The following LSAMP variants were observed in gnomAD, a reference collection of about 807,000 sequenced individuals.
The protein encoded by LSAMP is limbic system associated membrane protein, also known as limbic system-associated membrane protein.
In LSAMP, 7 loss-of-function variants were observed where a neutral mutation model predicts 38.6. The observed-to-expected ratio is 0.18, with a 90% CI of 0.10 to 0.34. The LOEUF (loss-of-function observed/expected upper bound fraction) is 0.34, where lower values mean the gene tolerates loss of function less well. Ranked by LOEUF, LSAMP falls within the 10% of genes least tolerant of loss-of-function variation. LSAMP has a pLI of 1.00. For synonymous variants in LSAMP, 154 were observed against 166.8 expected, an observed-to-expected ratio of 0.92 and a Z score of 0.59; for missense variants, 313 against 420.0, an observed-to-expected ratio of 0.75 and a Z score of 2.23.
At chr3:116,234,585 C>T (rs754171943) in intron 1 of LSAMP, among the ~76,000 whole-genome samples, 7 of 151,886 alleles carry the variant, frequency 4.6e-5, no homozygotes, top group Non-Finnish European at 5.9e-5. Context: ...CAAAGCTGAC[C>T]ACATTAGTAC....
Position 116,255,898 on chromosome 3 carries a change from T to C in LSAMP, c.156-169342A>G, listed in dbSNP as rs138609789. The stretch of plus-strand genomic sequence containing the variant: ...GTAGGAGATACTGCTGAGAGGTTTG[T>C]TTATTTATTTATTTTTTTTGGTGAC... On this transcript the variant is annotated intron_variant, in intron 1 of 6. Transcript: ENST00000490035. Among the ~76,000 whole-genome samples the C allele has an allele frequency of 3.9e-4, 59 of 152,236 alleles. 1 individual carries two copies. In the East Asian group the frequency reaches 0.011, roughly 28 times the overall value.
At chr3:115,820,716 A>G (rs13079530) in intron 6 of LSAMP, among the ~76,000 whole-genome samples, 27,095 of 152,218 alleles carry the variant, frequency 0.18, 2,805 homozygotes, top group Admixed American at 0.24. Flanking sequence ...TCCAGTAGAT[A>G]TGCTGAAGAA....
chr3:116,370,910 C>G (rs1236270117), intron 1 of LSAMP, among the ~76,000 whole-genome samples: 1 of 152,034 alleles, frequency 6.6e-6, no homozygotes, highest in Non-Finnish European at 1.5e-5. Flanking sequence ...GCTACTGATT[C>G]AACATAAATA....
chr3:116,049,419 GTAAT>G (rs1442899231), intron 2 of LSAMP, among the ~76,000 whole-genome samples: 1 of 152,164 alleles, frequency 6.6e-6, no homozygotes, highest in Non-Finnish European at 1.5e-5. Context: ...AAAAATTCCA[GTAAT>G]TAATTGCAAG....
At chr3:115,883,372 A>G (rs1936371032) in intron 3 of LSAMP, among the ~76,000 whole-genome samples, 1 of 152,072 alleles carries the variant, frequency 6.6e-6, no homozygotes, top group African/African-American at 2.4e-5. Flanking sequence ...GATCAATAAT[A>G]AGGAACACAG....
At chr3:115,944,382 T>C (rs1169652350) in intron 3 of LSAMP, among the ~76,000 whole-genome samples, 1 of 152,150 alleles carries the variant, frequency 6.6e-6, no homozygotes, top group Non-Finnish European at 1.5e-5. Context: ...ATTGAACCTT[T>C]GGGTGACTGT....
At chr3:116,015,943 T>C (rs1940468854) in intron 3 of LSAMP, among the ~76,000 whole-genome samples, 1 of 152,122 alleles carries the variant, frequency 6.6e-6, no homozygotes, top group South Asian at 2.1e-4. Flanking sequence ...TAATTACAGG[T>C]ATATTTCCTT....
At chr3:115,816,796 G>A in intron 6 of LSAMP, 1 of 385,924 alleles carries the variant, frequency 2.6e-6, no homozygotes, top group Non-Finnish European at 4.8e-6. Context: ...TATTGGTAGA[G>A]ATGGAAAGAA....
rs76769890 is a variant in LSAMP, at chr3:115,900,698, T to C, written c.515-48081A>G. ...AAAAGGAGAGAAGTTGGCTGCTCCATTTATTTTGTTTCCTGTCTCTTGTCT... is the reference window on the plus strand; with the variant it reads ...AAAAGGAGAGAAGTTGGCTGCTCCACTTATTTTGTTTCCTGTCTCTTGTCT... On this transcript the variant is annotated intron_variant, in intron 3 of 6. Transcript: ENST00000490035. 8.8e-3 allele frequency among the ~76,000 whole-genome samples: 1,336 copies of C among 152,158 alleles called. 19 individuals are homozygous for C. Among genetic ancestry groups the C allele is most frequent in the African/African-American group, 0.03 (1,228 of 41,522 alleles).
chr3:115,851,897 C>T (rs1201370944), intron 4 of LSAMP, among the ~76,000 whole-genome samples: 2 of 152,118 alleles, frequency 1.3e-5, no homozygotes, highest in Non-Finnish European at 2.9e-5. Context: ...CAAAGTATGC[C>T]CACTTACCTA....
At chr3:116,408,804 G>A (rs2048932890) in intron 1 of LSAMP, among the ~76,000 whole-genome samples, 3 of 151,936 alleles carry the variant, frequency 2.0e-5, no homozygotes, top group Non-Finnish European at 4.4e-5. Flanking sequence ...AAATGAGTTG[G>A]CTTACTGATT....
intron 6 of LSAMP, among the ~76,000 whole-genome samples, chr3:115,820,624 C>T (rs1934200024): frequency 2.0e-5 from 3 of 152,236 alleles, no homozygotes; most frequent in African/African-American, 4.8e-5. Flanking sequence ...TTGATTCAAC[C>T]TCTCTTATTG....
intron 3 of LSAMP, among the ~76,000 whole-genome samples, chr3:116,010,892 C>T (rs1940304345): frequency 6.6e-6 from 1 of 152,178 alleles, no homozygotes; most frequent in African/African-American, 2.4e-5. Flanking sequence ...TTACTTCCCA[C>T]TAATATTTCT....
At chr3:116,355,268 G>A (rs1317769545) in intron 1 of LSAMP, among the ~76,000 whole-genome samples, 2 of 152,098 alleles carry the variant, frequency 1.3e-5, no homozygotes, top group Non-Finnish European at 2.9e-5. Flanking sequence ...AAGCATGCCT[G>A]CTGATTGGGA....
intron 1 of LSAMP, among the ~76,000 whole-genome samples, chr3:116,214,844 G>A (rs2046201702): frequency 6.6e-6 from 1 of 152,104 alleles, no homozygotes; most frequent in South Asian, 2.1e-4. Context: ...CATCAGGGGA[G>A]AGGTATGACA....
At chr3:116,230,454 A>G (rs902405269) in intron 1 of LSAMP, among the ~76,000 whole-genome samples, 1 of 152,176 alleles carries the variant, frequency 6.6e-6, no homozygotes, top group Non-Finnish European at 1.5e-5. Flanking sequence ...AGCTGTTTTC[A>G]TATATTTCAA....
chr3:115,869,269 GGAGAGAGAGAGAGAGAGAGAGAGA>G (rs35112915), intron 3 of LSAMP, among the ~76,000 whole-genome samples: 3 of 128,452 alleles, frequency 2.3e-5, no homozygotes, highest in African/African-American at 8.4e-5. Context: ...TCTTGGAGGG[GGAGAGAGAGAGAGAGAGAGAGAGA>G]GAGAGAGAGA....
intron 1 of LSAMP, among the ~76,000 whole-genome samples, chr3:116,358,909 T>A (rs1212499741): frequency 6.6e-6 from 1 of 152,194 alleles, no homozygotes; most frequent in Non-Finnish European, 1.5e-5. Flanking sequence ...TAATATAGAG[T>A]ACAAAGAAAT....
At chr3:116,105,312 C>T (rs528513227) in intron 1 of LSAMP, among the ~76,000 whole-genome samples, 9 of 152,298 alleles carry the variant, frequency 5.9e-5, no homozygotes, top group South Asian at 2.1e-4. Flanking sequence ...GCCGCAAAGA[C>T]CTTCCAGCTT....
Sources: allele counts gnomAD v4.1 joint callset (sites outside exome capture counted in the v4.1 genomes callset), GRCh38; gene constraint gnomAD v4.1.1; transcripts MANE v1.5; gene names NCBI Gene and HGNC (gene_info 2026-07-23, HGNC 2026-07-21).